OR9Q1: variants seen among roughly 807,000 people sequenced by gnomAD.
The protein encoded by OR9Q1 is olfactory receptor family 9 subfamily Q member 1.
For missense variants in OR9Q1, 374 were observed against 378.8 expected (o/e 0.99, Z 0.11); for synonymous variants, 153 against 148.6 (o/e 1.03, Z -0.22).
At chr11:58,159,897 C>T (rs541983879) in intron 2 of OR9Q1, among the ~76,000 whole-genome samples, 33 of 152,300 alleles carry the variant, frequency 2.2e-4, no homozygotes, top group South Asian at 6.2e-4. Context: ...TAGATGCCTC[C>T]GTCAAGAGAT....
chr11:58,112,303 A>C (rs1432855875), intron 2 of OR9Q1, among the ~76,000 whole-genome samples: 1 of 152,214 alleles, frequency 6.6e-6, no homozygotes, highest in Non-Finnish European at 1.5e-5. Flanking sequence ...AAAGAAAAAA[A>C]AAAAGATTAT....
At chr11:58,154,128 G>A (rs1015283004) in intron 2 of OR9Q1, among the ~76,000 whole-genome samples, 5 of 150,756 alleles carry the variant, frequency 3.3e-5, no homozygotes, top group African/African-American at 1.2e-4. Context: ...GGAAGGAGGA[G>A]GAGGAGGAAG....
chr11:58,068,120 C>A (rs1340299796), intron 2 of OR9Q1, among the ~76,000 whole-genome samples: 2 of 151,666 alleles, frequency 1.3e-5, no homozygotes, highest in African/African-American at 4.8e-5. Flanking sequence ...GGGTGGATTA[C>A]CTGAGTTCAG....
At chr11:58,071,321 C>T (rs148600798) in intron 2 of OR9Q1, among the ~76,000 whole-genome samples, 4,007 of 152,012 alleles carry the variant, frequency 0.026, 71 homozygotes, top group East Asian at 0.061. Context: ...AACCCCATCT[C>T]TACTAAAAAT....
chr11:58,039,304 T>C (rs1244632164), intron 1 of OR9Q1, among the ~76,000 whole-genome samples: 2 of 152,224 alleles, frequency 1.3e-5, no homozygotes, highest in East Asian at 1.9e-4. Flanking sequence ...GGAATCTTCT[T>C]CATATCCTTG....
chr11:58,140,867 T>G (rs1432218826), intron 2 of OR9Q1, among the ~76,000 whole-genome samples: 1 of 152,230 alleles, frequency 6.6e-6, no homozygotes, highest in Non-Finnish European at 1.5e-5. Flanking sequence ...AATCTATAAA[T>G]GACCTTGGGC....
chr11:58,168,320 C>T (rs1236197318), intron 2 of OR9Q1, among the ~76,000 whole-genome samples: 1 of 152,142 alleles, frequency 6.6e-6, no homozygotes, highest in Non-Finnish European at 1.5e-5. Flanking sequence ...TGTTTTCACT[C>T]CATATTTGTG....
intron 2 of OR9Q1, among the ~76,000 whole-genome samples, chr11:58,164,244 G>C (rs531504022): frequency 1.0e-3 from 153 of 152,188 alleles, no homozygotes; most frequent in Middle Eastern, 3.4e-3. Context: ...CCTGTCTTTA[G>C]GTGGCCAAAT....
At chr11:58,061,572 C>T (rs1853380695) in intron 2 of OR9Q1, among the ~76,000 whole-genome samples, 1 of 152,236 alleles carries the variant, frequency 6.6e-6, no homozygotes, top group Admixed American at 6.5e-5. Flanking sequence ...GACTGTCAAG[C>T]CAGTGCCCTT....
intron 2 of OR9Q1, among the ~76,000 whole-genome samples, chr11:58,088,020 T>C (rs1853649917): frequency 6.6e-6 from 1 of 151,826 alleles, no homozygotes; most frequent in Non-Finnish European, 1.5e-5. Flanking sequence ...CCCGAGTATC[T>C]GGGATTACAG....
At chr11:58,168,763 G>C (rs1189196329) in intron 2 of OR9Q1, among the ~76,000 whole-genome samples, 1 of 152,020 alleles carries the variant, frequency 6.6e-6, no homozygotes, top group Non-Finnish European at 1.5e-5. Context: ...TTGTGGTTGT[G>C]TGTATATTTT....
intron 1 of OR9Q1, among the ~76,000 whole-genome samples, chr11:58,024,394 T>C (rs1257526045): frequency 6.6e-6 from 1 of 152,126 alleles, no homozygotes; most frequent in African/African-American, 2.4e-5. Flanking sequence ...GTAAGTTTAT[T>C]TTCCAGTTCC....
chr11:58,148,700 T>C (rs1854322469), intron 2 of OR9Q1, among the ~76,000 whole-genome samples: 1 of 152,220 alleles, frequency 6.6e-6, no homozygotes, highest in Admixed American at 6.5e-5. Context: ...GCTCTAGTTT[T>C]TGAATCTCAT....
intron 2 of OR9Q1, chr11:58,108,663 C>A: frequency 5.1e-6 from 1 of 194,360 alleles, no homozygotes; most frequent in East Asian, 1.4e-4. Flanking sequence ...TGATGCCCAC[C>A]AGAATATGAA....
At chr11:58,083,136 T>C (rs1853605086) in intron 2 of OR9Q1, among the ~76,000 whole-genome samples, 3 of 152,152 alleles carry the variant, frequency 2.0e-5, no homozygotes, top group Admixed American at 6.6e-5. Flanking sequence ...CTAGAGTTTT[T>C]ACGGAGTTAA....
intron 2 of OR9Q1, among the ~76,000 whole-genome samples, chr11:58,056,586 T>C (rs577022029): frequency 1.3e-5 from 2 of 152,354 alleles, no homozygotes; most frequent in African/African-American, 4.8e-5. Flanking sequence ...ACAGTCAGAT[T>C]GATTTGTTTG....
Position 58,071,987 on chromosome 11 carries a change from T to A in OR9Q1, c.-15+16040T>A, listed in dbSNP as rs569141692. On this transcript the variant is annotated intron_variant, in intron 2 of 2. Transcript: ENST00000335397. ...TGGGTCTAATTCCTGGGTGATGAAA[T>A]AATCAGTACAACAGACCCTTACGAC... 2.0e-5 allele frequency among the ~76,000 whole-genome samples: 3 copies of A among 152,286 alleles called. No individual in the cohort carries two copies. In the South Asian group the frequency reaches 6.2e-4, roughly 32 times the overall value.
chr11:58,065,856 T>C (rs1041347252), intron 2 of OR9Q1, among the ~76,000 whole-genome samples: 1 of 152,202 alleles, frequency 6.6e-6, no homozygotes, highest in Non-Finnish European at 1.5e-5. Flanking sequence ...CTCAGGTGCG[T>C]GTTCCTACTG....
At chr11:58,146,256 C>A (rs1376598896) in intron 2 of OR9Q1, among the ~76,000 whole-genome samples, 1 of 152,142 alleles carries the variant, frequency 6.6e-6, no homozygotes, top group African/African-American at 2.4e-5. Flanking sequence ...TAATGAAAAC[C>A]ATTATCTACT....
Sources: allele counts gnomAD v4.1 joint callset (sites outside exome capture counted in the v4.1 genomes callset), GRCh38; gene constraint gnomAD v4.1.1; transcripts MANE v1.5; gene names NCBI Gene and HGNC (gene_info 2026-07-23, HGNC 2026-07-21).